The following SLC12A9 variants were observed in gnomAD, a reference collection of about 807,000 sequenced individuals.
SLC12A9 encodes solute carrier family 12 member 9.
In SLC12A9, 55 loss-of-function variants were observed where a neutral mutation model predicts 66.0. That is an observed-to-expected ratio of 0.83 (90% CI 0.67 to 1.04). The LOEUF (loss-of-function observed/expected upper bound fraction) is 1.04. SLC12A9 is among the 50% of genes least tolerant of loss of function. The pLI is 0.00. For synonymous variants in SLC12A9, 577 were observed against 569.0 expected, an observed-to-expected ratio of 1.01 and a Z score of -0.20; for missense variants, 1,061 against 1,241.9, an observed-to-expected ratio of 0.85 and a Z score of 2.19.
intron 1 of SLC12A9, among the ~76,000 whole-genome samples, chr7:100,832,342 C>G (rs933302739): frequency 1.3e-5 from 2 of 151,972 alleles, no homozygotes; most frequent in African/African-American, 4.8e-5. Flanking sequence ...CCTGTCTCTA[C>G]CAGAAAATAA....
Position 100,854,735 on chromosome 7 carries a change from G to T in SLC12A9, c.297G>T (p.Val99=). ...SVCAIATNGA[V]QGGGAYFMIS... ...GTGCCATCGCCACCAATGGAGCCGTGCAGGGGGGCGGAGCCTACTGTATCC... is the reference window on the plus strand; with the variant it reads ...GTGCCATCGCCACCAATGGAGCCGTTCAGGGGGGCGGAGCCTACTGTATCC... Residue 99 remains valine (V), a synonymous_variant, in exon 3 of 14, where the codon GTG becomes GTT. Transcript: ENST00000354161. 1 of 1,614,068 alleles carries T rather than the reference G, an allele frequency of 6.2e-7. No individual in the cohort carries two copies. Among genetic ancestry groups the T allele is most frequent in the Non-Finnish European group, 8.5e-7 (1 of 1,180,018 alleles).
intron 1 of SLC12A9, chr7:100,827,164 T>G (rs1477703908): frequency 1.1e-6 from 1 of 885,214 alleles, no homozygotes; most frequent in East Asian, 3.4e-5. Flanking sequence ...CGCGGGCCCA[T>G]GCGAGCGTGC....
At chr7:100,842,236 T>C (rs904341394) in intron 1 of SLC12A9, among the ~76,000 whole-genome samples, 1 of 152,208 alleles carries the variant, frequency 6.6e-6, no homozygotes, top group Non-Finnish European at 1.5e-5. Context: ...AAAACTTAAC[T>C]CTTTTCATCT....
intron 1 of SLC12A9, among the ~76,000 whole-genome samples, chr7:100,843,332 G>T (rs1562983227): frequency 6.6e-6 from 1 of 152,210 alleles, no homozygotes. Flanking sequence ...AAATCAAATA[G>T]CTGCAGGATT....
At chr7:100,862,893 CCCCTAGAGAG>C in intron 13 of SLC12A9, 66 bp downstream of exon 13, 1 of 1,590,232 alleles carries the variant, frequency 6.3e-7, no homozygotes, top group South Asian at 1.1e-5. Context: ...CCGCTCCCCT[CCCCTAGAGAG>C]TCAGCCACAG....
At chr7:100,857,972 CA>C (rs1191043203) in intron 5 of SLC12A9, 1 of 152,074 alleles carries the variant, frequency 6.6e-6, no homozygotes, top group East Asian at 1.9e-4. Flanking sequence ...AAAAATTAGC[CA>C]GGGGTGGTGG....
In SLC12A9 at chr7:100,866,129, A is replaced by G; in HGVS notation, c.2269A>G (p.Met757Val). 6.2e-7 allele frequency: 1 copy of G among 1,612,874 alleles called. No individual in the cohort carries two copies. The highest frequency in any genetic ancestry group is 8.5e-7 in the Non-Finnish European group (1 of 1,179,816). The change falls in exon 14 of 14, where the codon ATG becomes GTG. Residue 757 changes from methionine (M) to valine (V), a missense_variant. Transcript: ENST00000354161. This position sits in a 1 kb window ranked among gnomAD's most constrained non-coding sequence, Gnocchi z 7.3. The stretch of plus-strand genomic sequence containing the variant: ...GCTGCAGATGGCAACCATCTTGGGC[A>G]TGGTGCCCGCTTGGCATAGCGCCCG... ...FLLQMATILG[M>V]VPAWHSARLR...
chr7:100,829,984 C>T (rs1306336502), intron 1 of SLC12A9, among the ~76,000 whole-genome samples: 2 of 151,606 alleles, frequency 1.3e-5, no homozygotes, highest in Admixed American at 1.3e-4. Context: ...GCAGAGATTG[C>T]ACCACTGCAC....
At chr7:100,849,714 T>TAA (rs1274563151), upstream of SLC12A9, among the ~76,000 whole-genome samples, 6 of 136,292 alleles carry the variant, frequency 4.4e-5, no homozygotes, top group African/African-American at 8.1e-5. Flanking sequence ...AGACTCTGTC[T>TAA]AAAAAAAAAA....
chr7:100,833,661 G>A (rs1562979606), intron 1 of SLC12A9, among the ~76,000 whole-genome samples: 2 of 152,010 alleles, frequency 1.3e-5, no homozygotes, highest in East Asian at 3.9e-4. Flanking sequence ...ATAGCTGGGT[G>A]TGGTGGCTCA....
At chr7:100,847,936 A>G (rs1417714869), upstream of SLC12A9, among the ~76,000 whole-genome samples, 1 of 151,888 alleles carries the variant, frequency 6.6e-6, no homozygotes, top group Non-Finnish European at 1.5e-5. Flanking sequence ...AAATACAAAA[A>G]TGAGCCAGGC....
In SLC12A9 at chr7:100,866,667, A is replaced by G; in HGVS notation, c.*62A>G. ...GCAGGCGGCCTATCCTGATCCTTGG[A>G]GGAGGAGGAAGAGGAGGCCACTGTG... On this transcript the variant is annotated 3_prime_UTR_variant, in exon 14 of 14. Transcript: ENST00000354161. The surrounding 1 kb of genome is among the most constrained non-coding windows in gnomAD (Gnocchi z 7.3). 7.1e-7 allele frequency: 1 copy of G among 1,416,008 alleles called. No individual in the cohort carries two copies. Among genetic ancestry groups the G allele is most frequent in the South Asian group, 1.5e-5 (1 of 66,194 alleles). The allele number at this position is 1,416,008 out of a possible 1,614,324, so 87.7% of individuals were successfully genotyped here.
Position 100,861,044 on chromosome 7 carries a change from C to A in SLC12A9, c.1219-94C>A, listed in dbSNP as rs1441159687. On this transcript the variant is annotated intron_variant, in intron 9 of 13. Transcript: ENST00000354161. The surrounding 1 kb of genome is among the most constrained non-coding windows in gnomAD (Gnocchi z 5.3). ...TGGCACTTTCTGGGGCTCATTGACA[C>A]TTTGGGGTACACTGGCATTCTTTGG... 3.1e-6 allele frequency: 5 copies of A among 1,603,624 alleles called. No homozygotes were observed. Among genetic ancestry groups the A allele is most frequent in the Non-Finnish European group, 4.3e-6 (5 of 1,174,520 alleles).
At chr7:100,855,241 G>A (rs1177112524) in intron 3 of SLC12A9, among the ~76,000 whole-genome samples, 1 of 152,066 alleles carries the variant, frequency 6.6e-6, no homozygotes, top group African/African-American at 2.4e-5. Flanking sequence ...TCCTATCTCA[G>A]CCTCCTGAGT....
In SLC12A9 at chr7:100,866,661, CCTTGGAGGAGG is replaced by C. The variant is rs1458303936; in HGVS notation, c.*57_*67del. The C allele has an allele frequency of 1.1e-5, 15 of 1,427,098 alleles. No individual in the cohort carries two copies. The African/African-American group carries it at 2.0e-4, about 19-fold the overall frequency. The allele number at this position is 1,427,098 out of a possible 1,614,324, so 88.4% of individuals were successfully genotyped here. The stretch of plus-strand genomic sequence containing the variant: ...GCCCAGGCAGGCGGCCTATCCTGAT[CCTTGGAGGAGG>C]AGGAAGAGGAGGCCACTGTGGCCCG... On this transcript the variant is annotated 3_prime_UTR_variant, in exon 14 of 14. Coordinates refer to ENST00000354161, the MANE Select transcript of SLC12A9 (RefSeq NM_020246.4). This position sits in a 1 kb window ranked among gnomAD's most constrained non-coding sequence, Gnocchi z 7.3.
chr7:100,839,370 G>T (rs1238705045), intron 1 of SLC12A9, among the ~76,000 whole-genome samples: 3 of 151,750 alleles, frequency 2.0e-5, no homozygotes, highest in African/African-American at 7.3e-5. Flanking sequence ...CTCGGCTCTT[G>T]AGACAGGAGT....
chr7:100,861,447 C>G lies in SLC12A9; in HGVS notation c.1399C>G (p.Leu467Val). ...CTGCCTGCTGGGGGTGGCCTCCTGC[C>G]TGCTCATGATGTTCCTCATCAGTCC... ...HTCLLGVASC[L>V]LMMFLISPGA... The change falls in exon 11 of 14, where the codon CTG becomes GTG. Residue 467 changes from leucine (L) to valine (V), a missense_variant. Leu to Val is a conservative substitution (Grantham distance 32). Transcript: ENST00000354161. The surrounding 1 kb of genome is among the most constrained non-coding windows in gnomAD (Gnocchi z 5.3). 3.7e-6 allele frequency: 6 copies of G among 1,613,798 alleles called. No individual in the cohort carries two copies. Among genetic ancestry groups the G allele is most frequent in the Non-Finnish European group, 5.1e-6 (6 of 1,180,022 alleles).
rs60667059 is a variant in SLC12A9, at chr7:100,833,932, CAAAAAAAAAAAAA to C, written n.228+6902_228+6914del. 1.2e-3 allele frequency among the ~76,000 whole-genome samples: 78 copies of C among 63,062 alleles called. 1 individual carries two copies. Among genetic ancestry groups the C allele is most frequent in the African/African-American group, 3.7e-3 (41 of 11,146 alleles). 41.4% of individuals were successfully genotyped at this position (63,062 alleles called of 152,430 possible). ...TCAGGTACAGAGCGAGACTCTGTCT[CAAAAAAAAAAAAA>C]AAAAAAAAAAAAAAAAGAAAGAAGG... On this transcript the variant is annotated intron_variant and non_coding_transcript_variant, in intron 1 of 1. Coordinates refer to the SLC12A9 transcript ENST00000461016.
intron 13 of SLC12A9, 122 bp from the exon 14 acceptor site, chr7:100,865,597 A>G (rs1815027214): frequency 1.9e-6 from 3 of 1,566,470 alleles, no homozygotes; most frequent in Non-Finnish European, 2.6e-6. Flanking sequence ...AAGAGCCCGT[A>G]CACAGTGGGA....
Sources: gnomAD v4.1 joint callset for allele counts (sites outside exome capture counted in the v4.1 genomes callset) on GRCh38, gnomAD v4.1.1 for gene constraint, Gnocchi (gnomAD v3.1) non-coding constraint, MANE v1.5 for transcripts, NCBI Gene and HGNC (gene_info 2026-07-23, HGNC 2026-07-21) for gene names.